Variants in MCUB observed in about 807,000 individuals in gnomAD.
MCUB encodes the protein calcium uniporter regulatory subunit MCUb, mitochondrial.
MCUB carries 46 observed loss-of-function variants against 41.4 expected under a neutral mutation model. The observed-to-expected ratio is 1.11, with a 90% CI of 0.88 to 1.42. The LOEUF is 1.42. Ranked by LOEUF, MCUB falls within the 40% of genes most tolerant of loss-of-function variation. The pLI, the probability that MCUB is intolerant of heterozygous loss-of-function variation, is 0.00. For missense variants in MCUB, 403 were observed against 404.9 expected, an observed-to-expected ratio of 1.00 and a Z score of 0.04; for synonymous variants, 148 against 148.2, an observed-to-expected ratio of 1.00 and a Z score of 0.01.
intron 1 of MCUB, among the ~76,000 whole-genome samples, chr4:109,628,808 G>A (rs1728415141): frequency 1.3e-5 from 2 of 152,204 alleles, no homozygotes; most frequent in Admixed American, 1.3e-4. Context: ...GGTTAAGGAC[G>A]TGGGCGCAGG....
chr4:109,615,016 C>T (rs764472464), intron 1 of MCUB, among the ~76,000 whole-genome samples: 16 of 152,104 alleles, frequency 1.1e-4, no homozygotes, highest in African/African-American at 3.1e-4. Context: ...TTCAGAAATA[C>T]GGGGTAAATT....
At chr4:109,563,013 G>T (rs1488720121) in intron 1 of MCUB, among the ~76,000 whole-genome samples, 1 of 152,172 alleles carries the variant, frequency 6.6e-6, no homozygotes, top group Non-Finnish European at 1.5e-5. Flanking sequence ...CCATAATCAC[G>T]CTCTGGTGGC....
intron 1 of MCUB, among the ~76,000 whole-genome samples, chr4:109,586,926 G>A (rs1727320390): frequency 6.6e-6 from 1 of 152,218 alleles, no homozygotes; most frequent in Admixed American, 6.5e-5. Flanking sequence ...GGACCCACTT[G>A]AGGAGGCAGT....
intron 2 of MCUB, among the ~76,000 whole-genome samples, chr4:109,659,555 A>C (rs1729179142): frequency 6.6e-6 from 1 of 152,168 alleles, no homozygotes; most frequent in South Asian, 2.1e-4. Flanking sequence ...GTGCCACTCC[A>C]GTTTGGGCAA....
intron 1 of MCUB, chr4:109,648,768 G>C (rs1728895285): frequency 6.2e-6 from 2 of 323,248 alleles, no homozygotes; most frequent in South Asian, 5.0e-5. Flanking sequence ...CTCAGTGTGA[G>C]ATTCTACAAA....
In MCUB at chr4:109,687,568, A is replaced by G; in HGVS notation, c.987A>G (p.Val329=). The change falls in exon 8 of 8, where the codon GTA becomes GTG. Residue 329 remains valine (V), a synonymous_variant. Transcript: ENST00000394650. ...ARHSLCLQMQ[V]EELNEKN ...ATTCTCTCTGTTTGCAAATGCAAGT[A>G]GAAGAACTCAATGAAAAGAATTAAT... 5 of 1,610,628 alleles carry G rather than the reference A, an allele frequency of 3.1e-6. No individual in the cohort carries two copies. Among genetic ancestry groups the G allele is most frequent in the Non-Finnish European group, 4.2e-6 (5 of 1,177,010 alleles).
chr4:109,568,786 C>A (rs1561211528), intron 1 of MCUB, among the ~76,000 whole-genome samples: 3 of 152,196 alleles, frequency 2.0e-5, no homozygotes, highest in Admixed American at 2.0e-4. Flanking sequence ...TGTTTCTTCT[C>A]CATCTGTGAT....
At chr4:109,566,568 A>G (rs1726784133) in intron 1 of MCUB, among the ~76,000 whole-genome samples, 1 of 152,174 alleles carries the variant, frequency 6.6e-6, no homozygotes, top group Admixed American at 6.5e-5. Flanking sequence ...ATAAAAGAGA[A>G]TTTTTCAATC....
At chr4:109,631,460 G>T (rs1032381837) in intron 1 of MCUB, among the ~76,000 whole-genome samples, 14 of 152,176 alleles carry the variant, frequency 9.2e-5, no homozygotes, top group African/African-American at 3.4e-4. Context: ...TAGAAATTGA[G>T]TGCCTGTGGC....
At chr4:109,589,573 GGAGACACA>G (rs1727383734) in intron 1 of MCUB, among the ~76,000 whole-genome samples, 1 of 152,142 alleles carries the variant, frequency 6.6e-6, no homozygotes, top group Non-Finnish European at 1.5e-5. Flanking sequence ...ATGTGGAAAC[GGAGACACA>G]GAGACAGATT....
chr4:109,573,180 C>T (rs1057098219), intron 1 of MCUB, among the ~76,000 whole-genome samples: 9 of 152,050 alleles, frequency 5.9e-5, no homozygotes, highest in Admixed American at 2.6e-4. Context: ...AGATTGGGCA[C>T]GGTGGCTCAC....
At chr4:109,680,442 C>T (rs1363357532) in intron 4 of MCUB, among the ~76,000 whole-genome samples, 1 of 152,158 alleles carries the variant, frequency 6.6e-6, no homozygotes, top group African/African-American at 2.4e-5. Flanking sequence ...GAGTTCAGTT[C>T]ACGCTGGACC....
At chr4:109,670,932 G>A (rs544518154) in intron 4 of MCUB, among the ~76,000 whole-genome samples, 196 of 152,230 alleles carry the variant, frequency 1.3e-3, no homozygotes, top group African/African-American at 4.5e-3. Flanking sequence ...TGTCCACGCT[G>A]AGCCTCCAGC....
chr4:109,649,631 C>CT (rs1014891219), intron 1 of MCUB, among the ~76,000 whole-genome samples: 37 of 150,900 alleles, frequency 2.5e-4, no homozygotes, highest in African/African-American at 4.6e-4. Flanking sequence ...TAGGCAATCT[C>CT]TTTTTTTTTC....
At chr4:109,612,197 C>T (rs201587028) in intron 1 of MCUB, among the ~76,000 whole-genome samples, 19 of 151,632 alleles carry the variant, frequency 1.3e-4, no homozygotes, top group East Asian at 7.7e-4. Context: ...AGATGGCCAC[C>T]TTCTTGTTGC....
intron 1 of MCUB, among the ~76,000 whole-genome samples, chr4:109,632,675 G>A (rs965515452): frequency 3.5e-5 from 5 of 143,504 alleles, no homozygotes; most frequent in Admixed American, 7.2e-5. Flanking sequence ...GAGTGCAATG[G>A]CGCGATCTTG....
chr4:109,598,003 C>G (rs1482819267), intron 1 of MCUB, among the ~76,000 whole-genome samples: 1 of 150,104 alleles, frequency 6.7e-6, no homozygotes. Context: ...GATGGGCGGC[C>G]GGGCAGAGAC....
intron 1 of MCUB, among the ~76,000 whole-genome samples, chr4:109,617,139 C>G (rs1051255182): frequency 3.9e-5 from 6 of 152,122 alleles, no homozygotes; most frequent in African/African-American, 1.2e-4. Flanking sequence ...ATGATTTATG[C>G]AAATTAATAG....
At chr4:109,578,138 A>AT (rs1727076558) in intron 1 of MCUB, among the ~76,000 whole-genome samples, 1 of 152,170 alleles carries the variant, frequency 6.6e-6, no homozygotes, top group Non-Finnish European at 1.5e-5. Context: ...AGTTTAGTAC[A>AT]TAGCTATCTC....
Sources: gnomAD v4.1 joint callset for allele counts (sites outside exome capture counted in the v4.1 genomes callset) on GRCh38, gnomAD v4.1.1 for gene constraint, MANE v1.5 for transcripts, NCBI Gene and HGNC (gene_info 2026-07-23, HGNC 2026-07-21) for gene names.